Variants in LAMA4 observed in about 807,000 individuals in gnomAD.
LAMA4 encodes the protein laminin subunit alpha 4.
Under a neutral mutation model 207.1 loss-of-function variants are expected in LAMA4, and 127 were observed. The ratio of observed to expected loss-of-function variants is 0.61; its 90% CI spans 0.53 to 0.71. The LOEUF is 0.71. LAMA4 is among the 30% of genes least tolerant of loss of function. The pLI is 0.00. For synonymous variants in LAMA4, 761 were observed against 816.0 expected (o/e 0.93, Z 1.15); for missense variants, 2,093 against 2,246.5 (o/e 0.93, Z 1.38).
intron 31 of LAMA4, among the ~76,000 whole-genome samples, chr6:112,125,641 G>C (rs1395715534): frequency 6.6e-6 from 1 of 152,206 alleles, no homozygotes; most frequent in Admixed American, 6.5e-5. Context: ...TAGGGAACTA[G>C]AAATCAATGT....
rs184696189 is a variant in LAMA4, at chr6:112,131,095, C to T, written c.3841G>A (p.Val1281Met). Reference protein sequence around the residue: ...LLFYYASGSDVFSISLDNGTV... With the variant: ...LLFYYASGSDMFSISLDNGTV... ...CCATTATCCAGTGAGATGGAGAACA[C>T]GTCTGACTGAAATGCAAGCACAGGC... The change falls in exon 29 of 39, where the codon GTG becomes ATG. Residue 1281 changes from valine to methionine, a missense_variant. This residue lies in a region of LAMA4 where 1,704 missense variants were observed against 1,788.4 expected (regional missense o/e 0.95). Transcript: ENST00000230538. The T allele has an allele frequency of 4.3e-6, 7 of 1,612,910 alleles. No homozygotes were observed. The highest frequency in any genetic ancestry group is 2.2e-5 in the East Asian group (1 of 44,844).
At chr6:112,227,041 TTTTATTTATTTATTTATTTA>T (rs10610325) in intron 2 of LAMA4, among the ~76,000 whole-genome samples, 4 of 141,688 alleles carry the variant, frequency 2.8e-5, no homozygotes, top group East Asian at 2.1e-4. Flanking sequence ...GCTTCGACTA[TTTTATTTATTTATTTATTTA>T]TTTATTTATT....
chr6:112,243,507 A>G (rs1244189342), intron 2 of LAMA4, among the ~76,000 whole-genome samples: 1 of 152,128 alleles, frequency 6.6e-6, no homozygotes, highest in Admixed American at 6.5e-5. Flanking sequence ...CCCAGCAGTT[A>G]TACTAAAACT....
intron 24 of LAMA4, among the ~76,000 whole-genome samples, chr6:112,138,574 A>C (rs1300454385): frequency 1.3e-5 from 2 of 151,860 alleles, no homozygotes; most frequent in Non-Finnish European, 2.9e-5. Flanking sequence ...TTAATAAATA[A>C]GTCAATTTAA....
At chr6:112,154,980 G>T (rs1780620511) in intron 15 of LAMA4, 33 bp from the exon 16 acceptor site, 1 of 1,388,148 alleles carries the variant, frequency 7.2e-7, no homozygotes, top group Non-Finnish European at 1.0e-6. Context: ...GGGTAAAAAT[G>T]ACAGCAGAAG....
rs9487846 is a variant in LAMA4, at chr6:112,201,515, C to A, written c.503+93G>T. 7,475 of 1,030,620 alleles carry A rather than the reference C, an allele frequency of 7.3e-3. 328 individuals are homozygous for A. The African/African-American group carries it at 0.1, about 14-fold the overall frequency. The allele number at this position is 1,030,620 out of a possible 1,614,324, so 63.8% of individuals were successfully genotyped here. A position where few individuals can be genotyped will look rare whatever the true frequency, so the allele number is the denominator to read the frequency against. On this transcript the variant is annotated intron_variant, in intron 5 of 38. Coordinates refer to ENST00000230538, the MANE Select transcript of LAMA4 (RefSeq NM_001105206.3). The stretch of plus-strand genomic sequence containing the variant: ...CCACTCTTAAGCATCTCCTTCAGGA[C>A]CCACTGAATGGGAGTATGGCAGAGC...
At position 112,120,378 on chromosome 6, in the gene LAMA4, A is replaced by C; in HGVS notation, c.4570T>G (p.Leu1524Val). Residue 1524 changes from leucine to valine, a missense_variant, in exon 33 of 39, where the codon TTG becomes GTG. Physicochemically the swap from Leu to Val is conservative, Grantham distance 32. Transcript: ENST00000230538. ...ATGTAAACCAAGCGGCCATGGGCCA[A>C]AAATAGAGTCATGAAGTCATTCTCT... is the stretch of plus-strand genomic sequence containing the variant. ...QEENDFMTLF[L>V]AHGRLVYMFN... 1 of 1,614,066 alleles carries C rather than the reference A, an allele frequency of 6.2e-7. No individual in the cohort carries two copies. The highest frequency in any genetic ancestry group is 8.5e-7 in the Non-Finnish European group (1 of 1,179,932).
rs782132702 is a variant in LAMA4, at chr6:112,133,501, T to G, written c.3558-14A>C. 1.8e-5 allele frequency: 29 copies of G among 1,613,304 alleles called. No individual in the cohort carries two copies. The highest frequency in any genetic ancestry group is 2.4e-5 in the Non-Finnish European group (28 of 1,179,514). The stretch of plus-strand genomic sequence containing the variant: ...GCTCTGAGGGCCCTGGAAAAGAAAG[T>G]CAGCCTCACTGATACAGCCATGATG... On this transcript the variant is annotated splice_polypyrimidine_tract_variant and intron_variant, in intron 26 of 38. Transcript: ENST00000230538.
intron 31 of LAMA4, among the ~76,000 whole-genome samples, chr6:112,122,984 TGA>T (rs1554326555): frequency 6.6e-6 from 1 of 152,162 alleles, no homozygotes; most frequent in Non-Finnish European, 1.5e-5. Flanking sequence ...AGAAAGTGAA[TGA>T]GAAATGATTC....
Position 112,186,964 on chromosome 6 carries a change from A to T in LAMA4, c.966+486T>A, listed in dbSNP as rs180876907. 40 of 446,830 alleles carry T rather than the reference A, an allele frequency of 9.0e-5. No homozygotes were observed. In the East Asian group the frequency reaches 2.6e-3, roughly 30 times the overall value. 27.7% of individuals were successfully genotyped at this position (446,830 alleles called of 1,614,324 possible). On this transcript the variant is annotated intron_variant, in intron 8 of 38. Transcript: ENST00000230538. Reference sequence around the variant, plus strand: ...CTGCGTTTGACTGTGAGTATGAGAAAATGAGAGAGAATGTGTGTAAATAAG... The same window carrying T: ...CTGCGTTTGACTGTGAGTATGAGAATATGAGAGAGAATGTGTGTAAATAAG...
intron 12 of LAMA4, chr6:112,172,372 A>G: frequency 2.0e-6 from 1 of 502,088 alleles, no homozygotes; most frequent in Non-Finnish European, 3.6e-6. Context: ...ACACATGGAC[A>G]CAAGCATCAG....
chr6:112,187,357 A>T (rs1782747102), intron 8 of LAMA4, 93 bp downstream of exon 8: 2 of 1,387,790 alleles, frequency 1.4e-6, no homozygotes, highest in African/African-American at 2.8e-5. Flanking sequence ...CAGGTATGAG[A>T]CTCAGATACA....
chr6:112,148,487 G>A (rs1057436798), intron 17 of LAMA4, 151 bp from the exon 18 acceptor site: 3 of 721,956 alleles, frequency 4.2e-6, no homozygotes, highest in African/African-American at 3.6e-5. Flanking sequence ...GTGGCTCACC[G>A]AAAACATTTC....
intron 2 of LAMA4, among the ~76,000 whole-genome samples, chr6:112,226,909 A>G (rs1785245542): frequency 6.6e-6 from 1 of 152,216 alleles, no homozygotes; most frequent in Non-Finnish European, 1.5e-5. Context: ...AATATGATGT[A>G]ATAATATATT....
rs936362446 is a variant in LAMA4, at chr6:112,108,771, A to G, written c.*666T>C. On this transcript the variant is annotated 3_prime_UTR_variant, in exon 39 of 39. Transcript: ENST00000230538. Reference sequence around the variant, plus strand: ...CTACAGAAGCCTCCTCTCATGTACAATTTTATTTTTCTTTTAAGGAGATAA... The same window carrying G: ...CTACAGAAGCCTCCTCTCATGTACAGTTTTATTTTTCTTTTAAGGAGATAA... 4 of 152,392 alleles carry G rather than the reference A, an allele frequency of 2.6e-5. No individual in the cohort carries two copies. The highest frequency in any genetic ancestry group is 5.9e-5 in the Non-Finnish European group (4 of 68,192). 9.4% of individuals were successfully genotyped at this position (152,392 alleles called of 1,614,324 possible). A position where few individuals can be genotyped will look rare whatever the true frequency, so the allele number is the denominator to read the frequency against.
chr6:112,154,828 G>A, intron 16 of LAMA4, 23 bp downstream of exon 16: 2 of 1,404,450 alleles, frequency 1.4e-6, no homozygotes, highest in Non-Finnish European at 1.0e-6. Flanking sequence ...TTAGAAAGGA[G>A]ATAGGAAAGT....
Position 112,188,566 on chromosome 6 carries a change from G to C in LAMA4, c.814+544C>G, listed in dbSNP as rs541065144. 1.9e-3 allele frequency among the ~76,000 whole-genome samples: 282 copies of C among 152,292 alleles called. 1 individual carries two copies. The highest frequency in any genetic ancestry group is 3.4e-3 in the Middle Eastern group (1 of 294). ...TATTAAAATAGTTTTTAAACCAAAA[G>C]TTTTGTTCCTAGTGTAACTCCTCAT... is the stretch of plus-strand genomic sequence containing the variant. On this transcript the variant is annotated intron_variant, in intron 7 of 38. Coordinates refer to ENST00000230538, the MANE Select transcript of LAMA4 (RefSeq NM_001105206.3).
In LAMA4 at chr6:112,156,099, TAGG is replaced by T. The variant is rs576368059; in HGVS notation, c.1818-396_1818-394del. Among the ~76,000 whole-genome samples the T allele has an allele frequency of 1.2e-3, 180 of 152,288 alleles. 2 individuals carry two copies. The highest frequency in any genetic ancestry group is 2.2e-3 in the Non-Finnish European group (150 of 68,006). ...CTTTCTGTAGAGGAAGCCAAGGCTC[TAGG>T]AGAGTATGCAGAGCTTGGCCAGGGC... On this transcript the variant is annotated intron_variant, in intron 14 of 38. Transcript: ENST00000230538.
intron 2 of LAMA4, among the ~76,000 whole-genome samples, chr6:112,249,441 CAAAAAAA>C (rs71762704): frequency 2.4e-3 from 127 of 52,758 alleles, no homozygotes; most frequent in Admixed American, 4.9e-3. Context: ...GACTCTGTTT[CAAAAAAA>C]AAAAAAAAAA....
Sources: allele counts gnomAD v4.1 joint callset (sites outside exome capture counted in the v4.1 genomes callset), GRCh38; gene constraint gnomAD v4.1.1; regional missense constraint gnomAD v4.1.1; transcripts MANE v1.5; gene names NCBI Gene and HGNC (gene_info 2026-07-23, HGNC 2026-07-21).